FAM168B: variants seen among roughly 807,000 people sequenced by gnomAD.
FAM168B encodes myelin-associated neurite-outgrowth inhibitor.
FAM168B carries 19 observed loss-of-function variants against 21.8 expected under a neutral mutation model. The observed-to-expected ratio is 0.87, with a 90% CI of 0.61 to 1.28. The LOEUF (loss-of-function observed/expected upper bound fraction) is 1.28, where lower values mean the gene tolerates loss of function less well. FAM168B is among the 50% of genes most tolerant of loss of function. The pLI is 0.00. For synonymous variants in FAM168B, 126 were observed against 104.8 expected, an observed-to-expected ratio of 1.20 and a Z score of -1.24; for missense variants, 233 against 263.1, an observed-to-expected ratio of 0.89 and a Z score of 0.79.
Position 131,048,340 on chromosome 2 carries a change from C to T in FAM168B, c.*4125G>A, listed in dbSNP as rs1212502683. Reference sequence around the variant, plus strand: ...TGGTCTGCACAGGGACTCATGGGCACAGCCTGTGGTGAGGAGGAGACACCT... The same window carrying T: ...TGGTCTGCACAGGGACTCATGGGCATAGCCTGTGGTGAGGAGGAGACACCT... On this transcript the variant is annotated 3_prime_UTR_variant, in exon 7 of 7. Coordinates refer to ENST00000389915, the MANE Select transcript of FAM168B (RefSeq NM_001009993.4). 7.7e-7 allele frequency: 1 copy of T among 1,302,358 alleles called. No individual in the cohort carries two copies. Among genetic ancestry groups the T allele is most frequent in the Non-Finnish European group, 1.0e-6 (1 of 987,556 alleles). 80.7% of individuals were successfully genotyped at this position (1,302,358 alleles called of 1,614,324 possible).
intron 2 of FAM168B, among the ~76,000 whole-genome samples, chr2:131,076,752 T>C (rs1256271514): frequency 1.3e-5 from 2 of 151,572 alleles, no homozygotes; most frequent in African/African-American, 4.9e-5. Context: ...TCAGATAAAG[T>C]ATCTAAATTA....
chr2:131,081,401 C>T (rs1056368200), intron 2 of FAM168B, among the ~76,000 whole-genome samples: 1 of 152,202 alleles, frequency 6.6e-6, no homozygotes, highest in Non-Finnish European at 1.5e-5. Flanking sequence ...GTTCTGCATT[C>T]GCTGCTGTCA....
intron 3 of FAM168B, among the ~76,000 whole-genome samples, chr2:131,057,395 C>G (rs1187400277): frequency 6.6e-6 from 1 of 152,152 alleles, no homozygotes; most frequent in Non-Finnish European, 1.5e-5. Flanking sequence ...TCCAAAGAAG[C>G]TGGAAACAGA....
At chr2:131,060,751 A>C (rs891021288) in intron 3 of FAM168B, among the ~76,000 whole-genome samples, 4 of 152,032 alleles carry the variant, frequency 2.6e-5, no homozygotes, top group Non-Finnish European at 2.9e-5. Flanking sequence ...ACCACACAAC[A>C]CTCATCCTTA....
At chr2:131,059,137 A>T (rs554097869) in intron 3 of FAM168B, among the ~76,000 whole-genome samples, 1 of 152,314 alleles carries the variant, frequency 6.6e-6, no homozygotes, top group Non-Finnish European at 1.5e-5. Context: ...CACCATCAAC[A>T]TGGGGCCATG....
At chr2:131,074,559 T>C (rs1305578891) in intron 2 of FAM168B, among the ~76,000 whole-genome samples, 5 of 152,148 alleles carry the variant, frequency 3.3e-5, no homozygotes, top group South Asian at 4.1e-4. Context: ...GTAAATAAAG[T>C]TGAAAGAGAA....
In FAM168B at chr2:131,048,169, A is replaced by G. The variant is rs1265663855; in HGVS notation, c.*4296T>C. On this transcript the variant is annotated 3_prime_UTR_variant, in exon 7 of 7. Coordinates refer to ENST00000389915, the MANE Select transcript of FAM168B (RefSeq NM_001009993.4). ...ACGGTGTAAAAAACGGTATTTAAAA[A>G]TCATTTTTAAAAAAACAAAAAGGAA... The G allele has an allele frequency of 8.0e-7, 1 of 1,250,526 alleles. No individual in the cohort carries two copies. The highest frequency in any genetic ancestry group is 1.3e-5 in the South Asian group (1 of 74,392). 77.5% of individuals were successfully genotyped at this position (1,250,526 alleles called of 1,614,324 possible). A position where few individuals can be genotyped will look rare whatever the true frequency, so the allele number is the denominator to read the frequency against.
intron 3 of FAM168B, among the ~76,000 whole-genome samples, chr2:131,064,340 AG>A: frequency 6.6e-6 from 1 of 152,328 alleles, no homozygotes; most frequent in East Asian, 1.9e-4. Context: ...AGAAGCCTGA[AG>A]TACATGTGAG....
chr2:131,081,565 T>C (rs1248658731), intron 2 of FAM168B, among the ~76,000 whole-genome samples: 1 of 152,192 alleles, frequency 6.6e-6, no homozygotes, highest in Non-Finnish European at 1.5e-5. Flanking sequence ...AGCCCAAGCA[T>C]ATAAACTTCC....
rs111578594 is a variant in FAM168B, at chr2:131,050,537, C to G, written c.*1928G>C. 1 of 985,696 alleles carries G rather than the reference C, an allele frequency of 1.0e-6. No homozygotes were observed. Among genetic ancestry groups the G allele is most frequent in the African/African-American group, 1.7e-5 (1 of 57,302 alleles). The allele number at this position is 985,696 out of a possible 1,614,324, so 61.1% of individuals were successfully genotyped here. ...TAAGATGGATTAAGTGCTCATGAAG[C>G]AATTTAAAGTACTTATCAGTAAACA... On this transcript the variant is annotated 3_prime_UTR_variant, in exon 7 of 7. Coordinates refer to ENST00000389915, the MANE Select transcript of FAM168B (RefSeq NM_001009993.4).
At position 131,050,792 on chromosome 2, in the gene FAM168B, C is replaced by T. The variant is rs932687083; in HGVS notation, c.*1673G>A. ...GGGCGCCAGTGCCCTGACCCAGCTA[C>T]CAGCAAATGAAGAGGAGCAGAGCCC... is the stretch of plus-strand genomic sequence containing the variant. On this transcript the variant is annotated 3_prime_UTR_variant, in exon 7 of 7. Coordinates refer to ENST00000389915, the MANE Select transcript of FAM168B (RefSeq NM_001009993.4). The T allele has an allele frequency of 1.0e-6, 1 of 985,356 alleles. No individual in the cohort carries two copies. The highest frequency in any genetic ancestry group is 1.7e-5 in the African/African-American group (1 of 57,224). The allele number at this position is 985,356 out of a possible 1,614,324, so 61.0% of individuals were successfully genotyped here.
chr2:131,050,902 G>C lies in FAM168B; in HGVS notation c.*1563C>G, dbSNP rs1691627314. The C allele has an allele frequency of 3.0e-5, 30 of 985,776 alleles. No homozygotes were observed. Among genetic ancestry groups the C allele is most frequent in the Non-Finnish European group, 3.6e-5 (30 of 830,240 alleles). The allele number at this position is 985,776 out of a possible 1,614,324, so 61.1% of individuals were successfully genotyped here. ...TCCTGCCCTAGAGGCCGCTGAAAGG[G>C]ACCCAGGCCTTACATCCCCCACCCC... On this transcript the variant is annotated 3_prime_UTR_variant, in exon 7 of 7. Coordinates refer to ENST00000389915, the MANE Select transcript of FAM168B (RefSeq NM_001009993.4).
intron 2 of FAM168B, among the ~76,000 whole-genome samples, chr2:131,077,036 C>A (rs1318884440): frequency 6.6e-6 from 1 of 152,050 alleles, no homozygotes; most frequent in African/African-American, 2.4e-5. Context: ...CCAGCAACCC[C>A]AGCTCTAGGA....
At chr2:131,060,913 G>C (rs186740195) in intron 3 of FAM168B, among the ~76,000 whole-genome samples, 1 of 151,516 alleles carries the variant, frequency 6.6e-6, no homozygotes, top group South Asian at 2.1e-4. Context: ...GTGCAGTGGC[G>C]CAATCTCAGC....
At chr2:131,054,960 A>G (rs899961413) in intron 5 of FAM168B, among the ~76,000 whole-genome samples, 1 of 152,102 alleles carries the variant, frequency 6.6e-6, no homozygotes, top group African/African-American at 2.4e-5. Flanking sequence ...CCCGGTACAC[A>G]AAGTGTCCTC....
chr2:131,084,301 C>A (rs766268452), intron 1 of FAM168B, among the ~76,000 whole-genome samples: 3 of 150,466 alleles, frequency 2.0e-5, no homozygotes, highest in Non-Finnish European at 4.4e-5. Flanking sequence ...GTGATTATCC[C>A]ACCTCAGCCT....
intron 5 of FAM168B, 143 bp downstream of exon 5, chr2:131,055,129 T>A (rs1691938282): frequency 1.2e-6 from 1 of 806,572 alleles, no homozygotes; most frequent in African/African-American, 1.8e-5. Context: ...TAACCTGCTG[T>A]TTCTTCCCCA....
intron 3 of FAM168B, among the ~76,000 whole-genome samples, chr2:131,061,797 G>A (rs1400291366): frequency 6.7e-6 from 1 of 148,906 alleles, no homozygotes. Context: ...AAAAAAAAAA[G>A]AAGAAGAAGA....
At chr2:131,064,691 A>T (rs1331161509) in intron 3 of FAM168B, among the ~76,000 whole-genome samples, 1 of 152,208 alleles carries the variant, frequency 6.6e-6, no homozygotes, top group African/African-American at 2.4e-5. Context: ...AACCAGAGTA[A>T]ACGAGGAAAA....
Sources: allele counts gnomAD v4.1 joint callset (sites outside exome capture counted in the v4.1 genomes callset), GRCh38; gene constraint gnomAD v4.1.1; transcripts MANE v1.5; gene names NCBI Gene and HGNC (gene_info 2026-07-23, HGNC 2026-07-21).